OPCML: variants seen among roughly 807,000 people sequenced by gnomAD.
OPCML encodes opioid binding protein/cell adhesion molecule like, also known as opioid-binding protein/cell adhesion molecule.
Under a neutral mutation model 37.8 loss-of-function variants are expected in OPCML, and 13 were observed. The observed-to-expected ratio is 0.34, with a 90% confidence interval of 0.22 to 0.55. The LOEUF (loss-of-function observed/expected upper bound fraction) is 0.55, where lower values mean the gene tolerates loss of function less well. Ranked by LOEUF, OPCML falls within the 20% of genes least tolerant of loss-of-function variation. OPCML has a pLI of 0.91. For missense variants in OPCML, 341 were observed against 435.6 expected, an observed-to-expected ratio of 0.78 and a Z score of 1.93; for synonymous variants, 176 against 168.8, an observed-to-expected ratio of 1.04 and a Z score of -0.33.
intron 1 of OPCML, among the ~76,000 whole-genome samples, chr11:133,473,826 A>T (rs907949175): frequency 8.5e-5 from 13 of 152,250 alleles, no homozygotes; most frequent in African/African-American, 2.9e-4. Context: ...AGCTATCTGC[A>T]TACTAATAAC....
At chr11:132,511,138 A>G (rs1217729556) in intron 4 of OPCML, among the ~76,000 whole-genome samples, 2 of 152,172 alleles carry the variant, frequency 1.3e-5, no homozygotes, top group South Asian at 2.1e-4. Context: ...CAAGGTCAAT[A>G]TAAAAAAGTC....
At chr11:133,503,718 A>G (rs1003596263) in intron 1 of OPCML, among the ~76,000 whole-genome samples, 1 of 152,204 alleles carries the variant, frequency 6.6e-6, no homozygotes, top group Non-Finnish European at 1.5e-5. Flanking sequence ...AGTTTGACCT[A>G]AAGATTTTAC....
chr11:133,286,279 T>C (rs1942293966), intron 1 of OPCML, among the ~76,000 whole-genome samples: 1 of 151,506 alleles, frequency 6.6e-6, no homozygotes, highest in Admixed American at 6.6e-5. Flanking sequence ...TGAAAACCCG[T>C]CTCTACTAAA....
intron 1 of OPCML, among the ~76,000 whole-genome samples, chr11:133,196,693 G>A (rs1938547991): frequency 6.6e-6 from 1 of 152,170 alleles, no homozygotes; most frequent in African/African-American, 2.4e-5. Flanking sequence ...AGGAGGGTGA[G>A]GGACAATTGA....
At chr11:132,687,242 T>A (rs1427972744) in intron 2 of OPCML, among the ~76,000 whole-genome samples, 1 of 151,296 alleles carries the variant, frequency 6.6e-6, no homozygotes, top group African/African-American at 2.4e-5. Flanking sequence ...CCTATTAAGG[T>A]CAGTTTTGCC....
chr11:133,410,196 A>T (rs1945614430), intron 1 of OPCML, among the ~76,000 whole-genome samples: 1 of 152,206 alleles, frequency 6.6e-6, no homozygotes, highest in African/African-American at 2.4e-5. Context: ...CGCCCAGCAC[A>T]GTGCTTGCAG....
intron 1 of OPCML, among the ~76,000 whole-genome samples, chr11:133,018,304 G>A (rs1288260770): frequency 6.6e-6 from 1 of 152,240 alleles, no homozygotes. Flanking sequence ...GCAGAAGATA[G>A]AAAGTGCAGT....
chr11:133,396,242 A>C (rs1418221122), intron 1 of OPCML, among the ~76,000 whole-genome samples: 1 of 152,120 alleles, frequency 6.6e-6, no homozygotes, highest in African/African-American at 2.4e-5. Context: ...CCTGCAAATA[A>C]ATTATTTATA....
At chr11:133,305,641 TA>T (rs1942896459) in intron 1 of OPCML, among the ~76,000 whole-genome samples, 1 of 152,230 alleles carries the variant, frequency 6.6e-6, no homozygotes, top group Non-Finnish European at 1.5e-5. Flanking sequence ...AGATTTACAT[TA>T]GGGTTCCCCT....
rs1941982383 is a variant in OPCML at position 133,275,981 on chromosome 11, A to G, written c.61+256283T>C. Among the ~76,000 whole-genome samples the G allele has an allele frequency of 1.3e-5, 2 of 152,180 alleles. 1 individual carries two copies. Among genetic ancestry groups the G allele is most frequent in the South Asian group, 4.1e-4 (2 of 4,832 alleles). On this transcript the variant is annotated intron_variant, in intron 1 of 7. Transcript: ENST00000524381. ...AGTTGTCCACATCCCCACTAAGGGTAATGACAAAGAAAACAAAAAAAGAGA... is the reference window on the plus strand; with the variant it reads ...AGTTGTCCACATCCCCACTAAGGGTGATGACAAAGAAAACAAAAAAAGAGA...
At chr11:133,225,406 C>T (rs762314110) in intron 1 of OPCML, among the ~76,000 whole-genome samples, 1 of 152,208 alleles carries the variant, frequency 6.6e-6, no homozygotes, top group Non-Finnish European at 1.5e-5. Context: ...AGCTGGGCAA[C>T]CCTCGGCCCG....
intron 2 of OPCML, among the ~76,000 whole-genome samples, chr11:132,807,109 G>A (rs1346027198): frequency 1.3e-5 from 2 of 152,136 alleles, no homozygotes; most frequent in Non-Finnish European, 2.9e-5. Flanking sequence ...CATTTCCACT[G>A]TAAGTAGATA....
At chr11:132,691,962 C>T (rs1943421262) in intron 2 of OPCML, among the ~76,000 whole-genome samples, 1 of 152,170 alleles carries the variant, frequency 6.6e-6, no homozygotes, top group Admixed American at 6.5e-5. Context: ...AAATACCCTC[C>T]TGGTTGCAAC....
intron 4 of OPCML, among the ~76,000 whole-genome samples, chr11:132,446,628 T>G (rs2096056040): frequency 6.6e-6 from 1 of 152,128 alleles, no homozygotes; most frequent in South Asian, 2.1e-4. Flanking sequence ...ACTTGAAAAG[T>G]TTTTATTTAT....
intron 1 of OPCML, among the ~76,000 whole-genome samples, chr11:133,097,527 C>T (rs1054899659): frequency 2.0e-5 from 3 of 151,812 alleles, no homozygotes; most frequent in South Asian, 2.1e-4. Flanking sequence ...TTAGAACAAA[C>T]GTCAATGAAA....
intron 2 of OPCML, among the ~76,000 whole-genome samples, chr11:132,782,945 A>ATATATATG (rs1565860401): frequency 7.5e-6 from 1 of 133,076 alleles, no homozygotes; most frequent in Non-Finnish European, 1.7e-5. Context: ...ATATATATAT[A>ATATATATG]TGTATGTATG....
At chr11:133,269,974 A>G (rs1027313813) in intron 1 of OPCML, among the ~76,000 whole-genome samples, 1 of 152,224 alleles carries the variant, frequency 6.6e-6, no homozygotes, top group Non-Finnish European at 1.5e-5. Context: ...ATGAGATATA[A>G]CTTCAAAATA....
intron 1 of OPCML, among the ~76,000 whole-genome samples, chr11:133,183,809 C>A (rs957679299): frequency 6.6e-6 from 1 of 152,150 alleles, no homozygotes; most frequent in Non-Finnish European, 1.5e-5. Flanking sequence ...GCTCATGAAC[C>A]TGAGGGAAAC....
At chr11:133,262,715 C>T (rs1244637612) in intron 1 of OPCML, among the ~76,000 whole-genome samples, 2 of 152,108 alleles carry the variant, frequency 1.3e-5, no homozygotes, top group Non-Finnish European at 2.9e-5. Flanking sequence ...TGATGTACTT[C>T]CAGGATACCC....
Sources: gnomAD v4.1 joint callset for allele counts (sites outside exome capture counted in the v4.1 genomes callset) on GRCh38, gnomAD v4.1.1 for gene constraint, MANE v1.5 for transcripts, NCBI Gene and HGNC (gene_info 2026-07-23, HGNC 2026-07-21) for gene names.